ATAD2B: variants seen among roughly 807,000 people sequenced by gnomAD.
ATAD2B encodes the protein ATPase family AAA domain-containing protein 2B.
ATAD2B carries 40 observed loss-of-function variants against 167.6 expected under a neutral mutation model. That is an observed-to-expected ratio of 0.24 (90% CI 0.19 to 0.31). The LOEUF (loss-of-function observed/expected upper bound fraction) is 0.31. Ranked by LOEUF, ATAD2B falls within the 10% of genes least tolerant of loss-of-function variation. The pLI is 1.00. For missense variants in ATAD2B, 1,242 were observed against 1,757.2 expected (o/e 0.71, Z 5.24); for synonymous variants, 579 against 596.5 (o/e 0.97, Z 0.43).
chr2:23,870,484 C>G (rs1431133523), intron 8 of ATAD2B, among the ~76,000 whole-genome samples: 1 of 151,700 alleles, frequency 6.6e-6, no homozygotes, highest in South Asian at 2.1e-4. Context: ...GGGAGTTTCA[C>G]CATGTTTCCC....
intron 22 of ATAD2B, among the ~76,000 whole-genome samples, chr2:23,780,139 C>T (rs1470181382): frequency 6.6e-6 from 1 of 151,678 alleles, no homozygotes; most frequent in Non-Finnish European, 1.5e-5. Flanking sequence ...TACCCAGCTA[C>T]CAGGAGGCTA....
chr2:23,684,461 G>A, the ATAD2B span: 6 of 1,550,894 alleles, frequency 3.9e-6, no homozygotes, highest in South Asian at 7.2e-5. The surrounding 1 kb of genome is among the most constrained non-coding windows in gnomAD (Gnocchi z 4.4). Flanking sequence ...GAAAATTGTT[G>A]TTGAAGGCAG....
intron 1 of ATAD2B, among the ~76,000 whole-genome samples, chr2:23,924,129 A>G (rs1057185097): frequency 6.6e-6 from 1 of 152,174 alleles, no homozygotes; most frequent in South Asian, 2.1e-4. Context: ...GCCTGCAGTG[A>G]GCCGAGATCG....
At chr2:23,741,935 C>T in the ATAD2B span, among the ~76,000 whole-genome samples, 1 of 151,972 alleles carries the variant, frequency 6.6e-6, no homozygotes, top group Non-Finnish European at 1.5e-5. Context: ...TTTATGCAGC[C>T]AAAAAACACA....
chr2:23,687,470 G>A, the ATAD2B span, among the ~76,000 whole-genome samples: 1 of 152,232 alleles, frequency 6.6e-6, no homozygotes, highest in Admixed American at 6.5e-5. Flanking sequence ...AGGACAGAAT[G>A]GGAATTCAAG....
chr2:23,757,883 T>C lies in ATAD2B; in HGVS notation c.3613A>G (p.Asn1205Asp), dbSNP rs763112020. The change falls in exon 25 of 28, where the codon AAT becomes GAT. Residue 1205 changes from asparagine (N) to aspartate (D), a missense_variant. By Grantham distance (23) the Asn-to-Asp change is conservative. Transcript: ENST00000238789. ...GEETGDLSMT[N>D]DESSCDIMDL... ...ATGATGTCACAGGATGATTCATCATTGGTCATAGATAAGTCTCCAGTCTCT... is the reference window on the plus strand; with the variant it reads ...ATGATGTCACAGGATGATTCATCATCGGTCATAGATAAGTCTCCAGTCTCT... 6.3e-7 allele frequency: 1 copy of C among 1,597,688 alleles called. No homozygotes were observed. The highest frequency in any genetic ancestry group is 1.4e-5 in the African/African-American group (1 of 73,596).
chr2:23,723,054 G>A, the ATAD2B span, among the ~76,000 whole-genome samples: 1 of 152,202 alleles, frequency 6.6e-6, no homozygotes, highest in African/African-American at 2.4e-5. Flanking sequence ...CACTTTGGGA[G>A]GCCAAGGCGG....
chr2:23,887,751 T>G, intron 4 of ATAD2B, 81 bp downstream of exon 4: 2 of 1,287,926 alleles, frequency 1.6e-6, no homozygotes, highest in Non-Finnish European at 2.1e-6. Flanking sequence ...GCTAAGTCGT[T>G]GCTTATGTTA....
intron 15 of ATAD2B, chr2:23,827,899 A>G (rs1450360945): frequency 6.6e-6 from 1 of 152,634 alleles, no homozygotes; most frequent in Non-Finnish European, 1.5e-5. Context: ...AGCTAACTGA[A>G]TGGACTAATG....
intron 1 of ATAD2B, among the ~76,000 whole-genome samples, chr2:23,916,388 A>G (rs1703043621): frequency 6.6e-6 from 1 of 152,358 alleles, no homozygotes; most frequent in South Asian, 2.1e-4. Flanking sequence ...TACCAAAAAC[A>G]AAACACAATG....
At chr2:23,754,143 G>T in intron 27 of ATAD2B, 36 bp downstream of exon 27, 1 of 1,439,842 alleles carries the variant, frequency 6.9e-7, no homozygotes, top group Non-Finnish European at 9.2e-7. Context: ...GTAAAATCAA[G>T]TATTTGTTTA....
At chr2:23,867,130 T>C (rs1695255704) in intron 10 of ATAD2B, among the ~76,000 whole-genome samples, 1 of 152,194 alleles carries the variant, frequency 6.6e-6, no homozygotes, top group South Asian at 2.1e-4. Flanking sequence ...ACTTGTAGTA[T>C]ACCTCAGATA....
chr2:23,776,277 T>C (rs889842499), intron 22 of ATAD2B, among the ~76,000 whole-genome samples: 7 of 152,174 alleles, frequency 4.6e-5, no homozygotes, highest in Admixed American at 3.9e-4. Flanking sequence ...ACCTCAGGGA[T>C]CATTCTAGGT....
chr2:23,790,211 T>C (rs1344094503), intron 19 of ATAD2B, among the ~76,000 whole-genome samples: 2 of 152,164 alleles, frequency 1.3e-5, no homozygotes, highest in Non-Finnish European at 2.9e-5. Flanking sequence ...AAAATGTCTT[T>C]GTTCTCTGCT....
At chr2:23,839,748 C>A (rs1690586141) in intron 13 of ATAD2B, among the ~76,000 whole-genome samples, 1 of 152,058 alleles carries the variant, frequency 6.6e-6, no homozygotes, top group Non-Finnish European at 1.5e-5. Context: ...CAAAACCCTG[C>A]ACATATTTAA....
rs570334684 is a variant in ATAD2B, at chr2:23,872,022, T to G, written c.978-2261A>C. Among the ~76,000 whole-genome samples the G allele has an allele frequency of 1.2e-3, 190 of 152,106 alleles. 1 individual carries two copies. The highest frequency in any genetic ancestry group is 4.4e-3 in the African/African-American group (181 of 41,502). Reference sequence around the variant, plus strand: ...GTTCCCAAGTAGCTGGGATTACAGGTGCACACCAACACGCCCAGCTAATTT... The same window carrying G: ...GTTCCCAAGTAGCTGGGATTACAGGGGCACACCAACACGCCCAGCTAATTT... On this transcript the variant is annotated intron_variant, in intron 8 of 27. Coordinates refer to ENST00000238789, the MANE Select transcript of ATAD2B (RefSeq NM_017552.4).
At chr2:23,758,943 T>C (rs532923063) in intron 24 of ATAD2B, among the ~76,000 whole-genome samples, 7 of 152,294 alleles carry the variant, frequency 4.6e-5, no homozygotes, top group Admixed American at 4.6e-4. Context: ...CCTCTAGGTA[T>C]TAATGGACCC....
At chr2:23,762,105 A>G in intron 24 of ATAD2B, 104 bp downstream of exon 24, 1 of 1,172,064 alleles carries the variant, frequency 8.5e-7, no homozygotes, top group Non-Finnish European at 1.2e-6. Flanking sequence ...AGATTAAAAG[A>G]GCTATGGGAA....
intron 5 of ATAD2B, 80 bp downstream of exon 5, chr2:23,885,647 C>T (rs1698558782): frequency 3.9e-6 from 3 of 765,768 alleles, no homozygotes; most frequent in Non-Finnish European, 4.1e-6. Flanking sequence ...TCAAAAACAT[C>T]CAACTGTTGC....
Sources: allele counts gnomAD v4.1 joint callset (sites outside exome capture counted in the v4.1 genomes callset), GRCh38; gene constraint gnomAD v4.1.1; non-coding constraint Gnocchi (gnomAD v3.1); transcripts MANE v1.5; gene names NCBI Gene and HGNC (gene_info 2026-07-23, HGNC 2026-07-21).